The following SLC24A2 variants were observed in gnomAD, a reference collection of about 807,000 sequenced individuals.
The protein encoded by SLC24A2 is sodium/potassium/calcium exchanger 2.
SLC24A2 carries 36 observed loss-of-function variants against 62.0 expected under a neutral mutation model. That is an observed-to-expected ratio of 0.58 (90% CI 0.44 to 0.77). The LOEUF (loss-of-function observed/expected upper bound fraction) is 0.77, where lower values mean the gene tolerates loss of function less well. Among genes scored for constraint, SLC24A2 ranks in the 30% least tolerant of loss-of-function variants. SLC24A2 has a pLI of 0.00. For missense variants in SLC24A2, 846 were observed against 817.9 expected (o/e 1.03, Z -0.42); for synonymous variants, 358 against 294.0 (o/e 1.22, Z -2.23).
chr9:19,578,077 G>A (rs1836085676), intron 5 of SLC24A2, among the ~76,000 whole-genome samples: 1 of 151,180 alleles, frequency 6.6e-6, no homozygotes, highest in African/African-American at 2.4e-5. Context: ...TAGACTTTGG[G>A]GACTTGGGGG....
the SLC24A2 span, among the ~76,000 whole-genome samples, chr9:20,099,104 G>C: frequency 2.0e-5 from 3 of 152,316 alleles, no homozygotes; most frequent in Admixed American, 2.0e-4. Context: ...TTAGTCACTG[G>C]AGGAAACTAG....
chr9:19,689,040 T>G (rs1819966967), intron 2 of SLC24A2, among the ~76,000 whole-genome samples: 1 of 152,182 alleles, frequency 6.6e-6, no homozygotes, highest in Non-Finnish European at 1.5e-5. Flanking sequence ...AAAACCAGCA[T>G]ATTAAGCATT....
At chr9:20,122,147 A>T in the SLC24A2 span, among the ~76,000 whole-genome samples, 1 of 152,332 alleles carries the variant, frequency 6.6e-6, no homozygotes, top group East Asian at 1.9e-4. Flanking sequence ...CTTGTTCACA[A>T]GTTACAAGAA....
intron 2 of SLC24A2, among the ~76,000 whole-genome samples, chr9:19,727,445 C>T (rs1401679844): frequency 2.6e-5 from 4 of 152,134 alleles, no homozygotes; most frequent in African/African-American, 9.7e-5. Flanking sequence ...TTTGCACTCT[C>T]CTACACACTA....
At chr9:19,684,598 G>T (rs1382050147) in intron 2 of SLC24A2, among the ~76,000 whole-genome samples, 1 of 152,062 alleles carries the variant, frequency 6.6e-6, no homozygotes, top group African/African-American at 2.4e-5. Context: ...CATTTTAAGG[G>T]TTTCAGGGTA....
At chr9:19,906,957 TC>T in the SLC24A2 span, among the ~76,000 whole-genome samples, 1 of 152,034 alleles carries the variant, frequency 6.6e-6, no homozygotes, top group Non-Finnish European at 1.5e-5. Flanking sequence ...AAAGAGGGAA[TC>T]CTCCCTAACT....
chr9:19,564,512 T>A (rs1180140588), intron 7 of SLC24A2, among the ~76,000 whole-genome samples: 2 of 146,286 alleles, frequency 1.4e-5, no homozygotes, highest in African/African-American at 5.0e-5. Context: ...TCTTCAGTCA[T>A]CTGTTATCTA....
chr9:20,147,603 TC>T, the SLC24A2 span, among the ~76,000 whole-genome samples: 1 of 152,284 alleles, frequency 6.6e-6, no homozygotes. Context: ...CTCATAGGCT[TC>T]AACCCTTAAC....
chr9:20,233,265 A>G, the SLC24A2 span, among the ~76,000 whole-genome samples: 1 of 152,086 alleles, frequency 6.6e-6, no homozygotes, highest in Admixed American at 6.5e-5. Flanking sequence ...AGCTGAGTTC[A>G]ATTCCTGGGT....
chr9:19,962,262 T>A, the SLC24A2 span, among the ~76,000 whole-genome samples: 1 of 152,226 alleles, frequency 6.6e-6, no homozygotes, highest in Admixed American at 6.5e-5. Flanking sequence ...TTTTGGTTAC[T>A]GTAGCCTTGT....
At chr9:20,202,779 T>C in the SLC24A2 span, among the ~76,000 whole-genome samples, 2 of 152,206 alleles carry the variant, frequency 1.3e-5, no homozygotes, top group African/African-American at 2.4e-5. Flanking sequence ...AATGTAATTA[T>C]AATAAAACCT....
chr9:20,134,960 T>C, the SLC24A2 span, among the ~76,000 whole-genome samples: 1 of 152,208 alleles, frequency 6.6e-6, no homozygotes, highest in Non-Finnish European at 1.5e-5. Context: ...TAGGTTTATG[T>C]ATTTCTCAGG....
At chr9:20,213,374 G>C in the SLC24A2 span, among the ~76,000 whole-genome samples, 2 of 150,864 alleles carry the variant, frequency 1.3e-5, no homozygotes, top group Non-Finnish European at 2.9e-5. Flanking sequence ...TCATTATTAA[G>C]CAAGAAAAAC....
chr9:20,069,013 C>T, the SLC24A2 span, among the ~76,000 whole-genome samples: 38,922 of 151,612 alleles, frequency 0.26, 5,322 homozygotes, highest in Middle Eastern at 0.35. Flanking sequence ...TCAAAATGTT[C>T]CAAACTATAC....
At chr9:20,307,295 T>C in the SLC24A2 span, among the ~76,000 whole-genome samples, 1 of 152,236 alleles carries the variant, frequency 6.6e-6, no homozygotes, top group Non-Finnish European at 1.5e-5. Flanking sequence ...GTTTGAGATA[T>C]AGTAGTCCTG....
At chr9:19,790,995 A>G (rs537031297), upstream of SLC24A2, among the ~76,000 whole-genome samples, 1 of 152,380 alleles carries the variant, frequency 6.6e-6, no homozygotes, top group Admixed American at 6.5e-5. Flanking sequence ...TCATGAGTCC[A>G]TAGATTGTAT....
chr9:20,117,983 C>G, the SLC24A2 span, among the ~76,000 whole-genome samples: 1 of 152,070 alleles, frequency 6.6e-6, no homozygotes, highest in Non-Finnish European at 1.5e-5. Context: ...CTGACTGACT[C>G]TAGGGCTCAA....
intron 8 of SLC24A2, among the ~76,000 whole-genome samples, chr9:19,535,203 G>A (rs1586909622): frequency 6.6e-6 from 1 of 152,102 alleles, no homozygotes; most frequent in East Asian, 1.9e-4. Context: ...TTTTTGATGG[G>A]GTTGTTTTTT....
chr9:19,737,957 A>C (rs1360024041), intron 2 of SLC24A2, among the ~76,000 whole-genome samples: 1 of 152,202 alleles, frequency 6.6e-6, no homozygotes. Flanking sequence ...AGAATAACAT[A>C]AATTGTTTCA....
Sources: gnomAD v4.1 joint callset for allele counts (sites outside exome capture counted in the v4.1 genomes callset) on GRCh38, gnomAD v4.1.1 for gene constraint, MANE v1.5 for transcripts, NCBI Gene and HGNC (gene_info 2026-07-23, HGNC 2026-07-21) for gene names.